Variants in TMEM266 observed in about 807,000 individuals in gnomAD.
The protein encoded by TMEM266 is transmembrane protein 266.
In TMEM266, 33 loss-of-function variants were observed where a neutral mutation model predicts 50.5. The observed-to-expected ratio is 0.65, with a 90% CI of 0.50 to 0.87. TMEM266 has a LOEUF of 0.87. Ranked by LOEUF, TMEM266 falls within the 40% of genes least tolerant of loss-of-function variation. The pLI, the probability that TMEM266 is intolerant of heterozygous loss-of-function variation, is 0.00. For synonymous variants in TMEM266, 310 were observed against 292.3 expected, an observed-to-expected ratio of 1.06 and a Z score of -0.62; for missense variants, 655 against 695.1, an observed-to-expected ratio of 0.94 and a Z score of 0.65.
intron 8 of TMEM266, among the ~76,000 whole-genome samples, chr15:76,182,129 T>C (rs553081296): frequency 6.6e-6 from 1 of 152,238 alleles, no homozygotes; most frequent in Middle Eastern, 3.4e-3. Context: ...GAGTCCCTTG[T>C]CGGGGAGCTT....
intron 9 of TMEM266, among the ~76,000 whole-genome samples, chr15:76,195,304 A>T (rs909264543): frequency 6.6e-6 from 1 of 152,110 alleles, no homozygotes; most frequent in Non-Finnish European, 1.5e-5. Context: ...ATTGAATGTA[A>T]TCTTCAAGCC....
intron 1 of TMEM266, among the ~76,000 whole-genome samples, chr15:76,088,812 G>A (rs2036809034): frequency 6.7e-6 from 1 of 149,564 alleles, no homozygotes; most frequent in Admixed American, 6.7e-5. Context: ...AGGGAAAAAA[G>A]GCGGGGCATG....
intron 1 of TMEM266, among the ~76,000 whole-genome samples, chr15:76,097,354 T>C (rs2036936961): frequency 6.6e-6 from 1 of 152,082 alleles, no homozygotes; most frequent in Non-Finnish European, 1.5e-5. Context: ...AAGGGTTTTA[T>C]TTCTCCTTCA....
chr15:76,067,114 G>C (rs1312836140), intron 1 of TMEM266, among the ~76,000 whole-genome samples: 1 of 152,150 alleles, frequency 6.6e-6, no homozygotes, highest in Non-Finnish European at 1.5e-5. Flanking sequence ...TTTCTAGTTT[G>C]AAGAATACAG....
chr15:76,167,823 C>A (rs1458671137), intron 5 of TMEM266, among the ~76,000 whole-genome samples: 1 of 152,092 alleles, frequency 6.6e-6, no homozygotes, highest in African/African-American at 2.4e-5. Flanking sequence ...TCTTACACAG[C>A]TGAGTACACT....
chr15:76,202,077 T>TCA (rs1340020131), intron 9 of TMEM266, 125 bp from the exon 10 acceptor site: 11 of 783,464 alleles, frequency 1.4e-5, no homozygotes, highest in Admixed American at 5.8e-5. Flanking sequence ...GCAGCTCCCG[T>TCA]CACACACACC....
intron 1 of TMEM266, among the ~76,000 whole-genome samples, chr15:76,099,001 CT>C (rs1456184724): frequency 6.6e-6 from 1 of 152,204 alleles, no homozygotes; most frequent in Non-Finnish European, 1.5e-5. Context: ...ACTAGTGGAT[CT>C]TACTTTGCTG....
At chr15:76,126,652 C>G (rs2037428401) in intron 1 of TMEM266, among the ~76,000 whole-genome samples, 1 of 151,908 alleles carries the variant, frequency 6.6e-6, no homozygotes, top group South Asian at 2.1e-4. Context: ...CTGCCTCAGC[C>G]TCCTGAGTAG....
intron 5 of TMEM266, among the ~76,000 whole-genome samples, chr15:76,164,110 G>A (rs7163654): frequency 0.048 from 7,236 of 152,088 alleles, 385 homozygotes; most frequent in African/African-American, 0.13. Flanking sequence ...TAACTCTTCC[G>A]GATATTTCAT....
At chr15:76,146,965 G>C (rs1468753568) in intron 3 of TMEM266, among the ~76,000 whole-genome samples, 1 of 152,244 alleles carries the variant, frequency 6.6e-6, no homozygotes, top group East Asian at 1.9e-4. Flanking sequence ...CTTGAGCCTG[G>C]AACAGGGGTG....
intron 1 of TMEM266, among the ~76,000 whole-genome samples, chr15:76,124,828 A>C (rs2037395091): frequency 6.6e-6 from 1 of 151,938 alleles, no homozygotes; most frequent in Admixed American, 6.6e-5. Flanking sequence ...GGCACTTTTC[A>C]CAGAAAAAAA....
At chr15:76,156,006 G>T (rs2037918697) in intron 3 of TMEM266, among the ~76,000 whole-genome samples, 1 of 152,176 alleles carries the variant, frequency 6.6e-6, no homozygotes, top group Non-Finnish European at 1.5e-5. Context: ...CCAGATGTTG[G>T]TCTCATACCC....
chr15:76,176,856 G>A lies in TMEM266; in HGVS notation c.768+1182G>A, dbSNP rs545253457. ...CCTCAGGGTTGAGGTCTCATGTGGC[G>A]TACAGGCCTGCTATGTGTCTGCCCG... On this transcript the variant is annotated intron_variant, in intron 8 of 10. Transcript: ENST00000388942. Among the ~76,000 whole-genome samples, 22 of 152,318 alleles carry A rather than the reference G, an allele frequency of 1.4e-4. No individual in the cohort carries two copies. In the East Asian group the frequency reaches 2.7e-3, roughly 19 times the overall value.
chr15:76,093,669 G>C (rs561439271), intron 1 of TMEM266, among the ~76,000 whole-genome samples: 1 of 152,152 alleles, frequency 6.6e-6, no homozygotes, highest in Non-Finnish European at 1.5e-5. Context: ...TCTAGTTCTA[G>C]ATCCTTGAGG....
intron 8 of TMEM266, among the ~76,000 whole-genome samples, chr15:76,184,151 C>G (rs1028430867): frequency 3.9e-5 from 6 of 152,218 alleles, no homozygotes; most frequent in African/African-American, 1.4e-4. Context: ...TGGCTCATTC[C>G]AGAGAGCTCC....
At chr15:76,163,285 AGAAGGG>A (rs370965678) in intron 5 of TMEM266, among the ~76,000 whole-genome samples, 4 of 152,182 alleles carry the variant, frequency 2.6e-5, no homozygotes, top group African/African-American at 9.6e-5. Flanking sequence ...CTAGGCCCAG[AGAAGGG>A]GAGTGTGAGG....
intron 1 of TMEM266, among the ~76,000 whole-genome samples, chr15:76,060,828 TCA>T (rs1389500972): frequency 6.6e-6 from 1 of 152,204 alleles, no homozygotes; most frequent in Non-Finnish European, 1.5e-5. Flanking sequence ...CATCCCTGTT[TCA>T]CAGTCACCAA....
chr15:76,160,021 G>T lies in TMEM266; in HGVS notation c.383-74G>T. Reference sequence around the variant, plus strand: ...CCCCGGGGTCCCAGAGGTCTGGACGGATGCTGCGAAGCCCCCATAGCAACG... The same window carrying T: ...CCCCGGGGTCCCAGAGGTCTGGACGTATGCTGCGAAGCCCCCATAGCAACG... On this transcript the variant is annotated intron_variant, in intron 4 of 10. Coordinates refer to ENST00000388942, the MANE Select transcript of TMEM266 (RefSeq NM_152335.3). The surrounding 1 kb of genome is among the most constrained non-coding windows in gnomAD (Gnocchi z 5.7). 1.4e-6 allele frequency: 2 copies of T among 1,437,288 alleles called. No homozygotes were observed. Among genetic ancestry groups the T allele is most frequent in the South Asian group, 2.3e-5 (2 of 85,506 alleles). 89.0% of individuals were successfully genotyped at this position (1,437,288 alleles called of 1,614,324 possible). A position where few individuals can be genotyped will look rare whatever the true frequency, so the allele number is the denominator to read the frequency against.
At chr15:76,135,778 T>C (rs1186125982) in intron 2 of TMEM266, among the ~76,000 whole-genome samples, 1 of 152,234 alleles carries the variant, frequency 6.6e-6, no homozygotes, top group Non-Finnish European at 1.5e-5. Context: ...AGCCTACAAA[T>C]GAGAATTGGG....
Sources: gnomAD v4.1 joint callset for allele counts (sites outside exome capture counted in the v4.1 genomes callset) on GRCh38, gnomAD v4.1.1 for gene constraint, Gnocchi (gnomAD v3.1) non-coding constraint, MANE v1.5 for transcripts, NCBI Gene and HGNC (gene_info 2026-07-23, HGNC 2026-07-21) for gene names.